Variants in SYCP2L observed in about 807,000 individuals in gnomAD.
SYCP2L encodes synaptonemal complex protein 2 like.
In SYCP2L, 98 loss-of-function variants were observed where a neutral mutation model predicts 125.8. The ratio of observed to expected loss-of-function variants is 0.78; its 90% CI spans 0.66 to 0.92. SYCP2L has a LOEUF of 0.92. Ranked by LOEUF, SYCP2L falls within the 40% of genes least tolerant of loss-of-function variation. SYCP2L has a pLI of 0.00. For missense variants in SYCP2L, 842 were observed against 936.4 expected, an observed-to-expected ratio of 0.90 and a Z score of 1.32; for synonymous variants, 317 against 325.4, an observed-to-expected ratio of 0.97 and a Z score of 0.28.
At chr6:10,951,794 G>C (rs1781415003) in intron 23 of SYCP2L, among the ~76,000 whole-genome samples, 1 of 152,166 alleles carries the variant, frequency 6.6e-6, no homozygotes, top group Non-Finnish European at 1.5e-5. Flanking sequence ...TTCAAAAAAT[G>C]CCTTAACTTA....
intron 8 of SYCP2L, among the ~76,000 whole-genome samples, chr6:10,904,848 C>T (rs1376680618): frequency 6.6e-6 from 1 of 151,946 alleles, no homozygotes; most frequent in Non-Finnish European, 1.5e-5. Flanking sequence ...ATTAAAAGAT[C>T]GACTCGGCCG....
Position 10,912,835 on chromosome 6 carries a change from A to C in SYCP2L, c.1012-32A>C, listed in dbSNP as rs1441046803. On this transcript the variant is annotated intron_variant, in intron 13 of 29. Coordinates refer to ENST00000283141, the MANE Select transcript of SYCP2L (RefSeq NM_001040274.3). The surrounding 1 kb of genome is among the most constrained non-coding windows in gnomAD (Gnocchi z 4.1). Reference sequence around the variant, plus strand: ...TTTTTTATGTAAGTATGTGTTTTGCACTCATGAATTTCACTTATTTATTTT... The same window carrying C: ...TTTTTTATGTAAGTATGTGTTTTGCCCTCATGAATTTCACTTATTTATTTT... The C allele has an allele frequency of 4.3e-6, 7 of 1,611,490 alleles. No homozygotes were observed. The highest frequency in any genetic ancestry group is 5.9e-6 in the Non-Finnish European group (7 of 1,178,018).
At chr6:10,930,584 A>G in intron 19 of SYCP2L, 70 bp downstream of exon 19, 1 of 1,509,832 alleles carries the variant, frequency 6.6e-7, no homozygotes, top group South Asian at 1.2e-5. Context: ...TTTATTTTTC[A>G]GTATATAATG....
chr6:10,905,689 C>T (rs1780477464), intron 8 of SYCP2L, among the ~76,000 whole-genome samples: 1 of 152,182 alleles, frequency 6.6e-6, no homozygotes, highest in Non-Finnish European at 1.5e-5. Context: ...GACATACGCC[C>T]TCACAGGTTG....
intron 2 of SYCP2L, among the ~76,000 whole-genome samples, chr6:10,893,111 T>C (rs2113283891): frequency 7.0e-6 from 1 of 142,264 alleles, no homozygotes; most frequent in East Asian, 2.0e-4. Flanking sequence ...GTTCAAGCGA[T>C]TCTCCTGCCT....
chr6:10,930,190 T>C (rs796218582), intron 18 of SYCP2L, 180 bp from the exon 19 acceptor site: 17 of 548,914 alleles, frequency 3.1e-5, no homozygotes, highest in African/African-American at 2.3e-4. Flanking sequence ...TGGTTGAGAA[T>C]TGACTGATGG....
At chr6:10,962,432 A>G (rs1044257674) in intron 28 of SYCP2L, among the ~76,000 whole-genome samples, 1 of 152,144 alleles carries the variant, frequency 6.6e-6, no homozygotes, top group African/African-American at 2.4e-5. Context: ...CTCTGTGTAT[A>G]GTTAAAGGTG....
chr6:10,930,633 T>G, intron 19 of SYCP2L, 119 bp downstream of exon 19: 1 of 1,192,382 alleles, frequency 8.4e-7, no homozygotes, highest in Non-Finnish European at 1.2e-6. Flanking sequence ...TGGGGCCAGC[T>G]TTCCCTGCTA....
chr6:10,901,515 C>T (rs1465436319), intron 6 of SYCP2L, among the ~76,000 whole-genome samples: 1 of 152,192 alleles, frequency 6.6e-6, no homozygotes, highest in African/African-American at 2.4e-5. Flanking sequence ...TTTATTACAG[C>T]AGAGTTTCTC....
intron 21 of SYCP2L, among the ~76,000 whole-genome samples, chr6:10,939,278 ATTG>A (rs1781170623): frequency 6.6e-6 from 1 of 152,218 alleles, no homozygotes; most frequent in African/African-American, 2.4e-5. Flanking sequence ...GATTGGAAGA[ATTG>A]TTAAAATGTC....
chr6:10,917,480 G>A (rs1351865461), intron 14 of SYCP2L, among the ~76,000 whole-genome samples: 1 of 152,030 alleles, frequency 6.6e-6, no homozygotes, highest in Non-Finnish European at 1.5e-5. Flanking sequence ...CTCGCTTTTG[G>A]TGTCCTTTTG....
chr6:10,891,613 CTGTGTGTGTGTGTGTGTGTG>C (rs3066124), intron 2 of SYCP2L, 32 bp downstream of exon 2: 3 of 119,462 alleles, frequency 2.5e-5, no homozygotes, highest in African/African-American at 1.0e-4. Context: ...TAATCTCTCT[CTGTGTGTGTGTGTGTGTGTG>C]TGTGTGTGTG....
intron 29 of SYCP2L, among the ~76,000 whole-genome samples, chr6:10,972,873 C>G (rs1166036578): frequency 1.3e-5 from 2 of 152,046 alleles, no homozygotes; most frequent in African/African-American, 4.8e-5. Flanking sequence ...CCTGGAAGCC[C>G]AAGCTGATAG....
chr6:10,897,753 A>C (rs1477258938), intron 4 of SYCP2L, among the ~76,000 whole-genome samples: 1 of 151,954 alleles, frequency 6.6e-6, no homozygotes, highest in Non-Finnish European at 1.5e-5. Flanking sequence ...CCTTTATATG[A>C]ATTTCTGACA....
chr6:10,898,142 A>G, intron 5 of SYCP2L, 27 bp downstream of exon 5: 3 of 1,464,068 alleles, frequency 2.0e-6, no homozygotes, highest in Non-Finnish European at 2.9e-6. Flanking sequence ...TGCTTCACTG[A>G]GCAGATGCCA....
At position 10,898,076 on chromosome 6, in the gene SYCP2L, G is replaced by A. The variant is rs577284810; in HGVS notation, c.402G>A (p.Ser134=). Residue 134 remains serine (S), a synonymous_variant, in exon 5 of 30, where the codon TCG becomes TCA. Coordinates refer to ENST00000283141, the MANE Select transcript of SYCP2L (RefSeq NM_001040274.3). ...LTSEGLASDT[S]LICVIEDFFD... Reference sequence around the variant, plus strand: ...CGGAAGGCCTAGCCTCAGACACGTCGCTGATTTGTGTTATAGAAGATTTCT... The same window carrying A: ...CGGAAGGCCTAGCCTCAGACACGTCACTGATTTGTGTTATAGAAGATTTCT... 2.0e-5 allele frequency: 33 copies of A among 1,614,062 alleles called. No homozygotes were observed. Among genetic ancestry groups the A allele is most frequent in the South Asian group, 1.3e-4 (12 of 91,086 alleles).
intron 25 of SYCP2L, among the ~76,000 whole-genome samples, chr6:10,957,121 A>G (rs970620267): frequency 6.6e-6 from 1 of 152,184 alleles, no homozygotes; most frequent in Non-Finnish European, 1.5e-5. Context: ...GAGCCACTGT[A>G]CCTGGCCTGA....
At chr6:10,958,948 G>C in intron 26 of SYCP2L, 73 bp downstream of exon 26, 1 of 1,326,632 alleles carries the variant, frequency 7.5e-7, no homozygotes, top group South Asian at 1.2e-5. Context: ...CATGACCACT[G>C]TGCTAGGGCC....
chr6:10,943,265 T>A (rs934882925), intron 23 of SYCP2L, among the ~76,000 whole-genome samples: 9 of 152,228 alleles, frequency 5.9e-5, no homozygotes, highest in African/African-American at 9.6e-5. Context: ...TTCTACTGTT[T>A]ATGATGTTTC....
Sources: gnomAD v4.1 joint callset for allele counts (sites outside exome capture counted in the v4.1 genomes callset) on GRCh38, gnomAD v4.1.1 for gene constraint, Gnocchi (gnomAD v3.1) non-coding constraint, MANE v1.5 for transcripts, NCBI Gene and HGNC (gene_info 2026-07-23, HGNC 2026-07-21) for gene names.